The following CRIM1 variants were observed in gnomAD, a reference collection of about 807,000 sequenced individuals.
CRIM1 encodes cysteine-rich motor neuron 1 protein.
CRIM1 carries 32 observed loss-of-function variants against 116.4 expected under a neutral mutation model. The observed-to-expected ratio is 0.27, with a 90% CI of 0.21 to 0.37. The LOEUF (loss-of-function observed/expected upper bound fraction) is 0.37. CRIM1 is among the 10% of genes least tolerant of loss of function. The pLI is 1.00. For synonymous variants in CRIM1, 590 were observed against 509.2 expected, an observed-to-expected ratio of 1.16 and a Z score of -2.13; for missense variants, 1,331 against 1,354.8, an observed-to-expected ratio of 0.98 and a Z score of 0.28.
At chr2:36,541,643 A>G (rs1028491015) in intron 14 of CRIM1, among the ~76,000 whole-genome samples, 5 of 152,224 alleles carry the variant, frequency 3.3e-5, no homozygotes, top group Admixed American at 6.5e-5. Context: ...GATGCCTCTG[A>G]AAGTAAAATA....
intron 2 of CRIM1, among the ~76,000 whole-genome samples, chr2:36,435,344 G>A (rs757309604): frequency 2.0e-5 from 3 of 151,992 alleles, no homozygotes; most frequent in Non-Finnish European, 4.4e-5. Context: ...GTGTGTGTGT[G>A]TGTGTGAGTG....
intron 13 of CRIM1, among the ~76,000 whole-genome samples, chr2:36,526,180 A>C (rs190173112): frequency 1.5e-4 from 23 of 150,836 alleles, no homozygotes; most frequent in African/African-American, 5.2e-4. Context: ...CTGATTCCCT[A>C]ATTTTTTTTT....
chr2:36,521,104 A>C (rs1457746287), intron 12 of CRIM1, among the ~76,000 whole-genome samples: 1 of 152,192 alleles, frequency 6.6e-6, no homozygotes, highest in Non-Finnish European at 1.5e-5. Context: ...CCTTTCTGAT[A>C]TCTCAATCAT....
chr2:36,370,703 T>G (rs564788848), intron 1 of CRIM1, among the ~76,000 whole-genome samples: 2 of 152,218 alleles, frequency 1.3e-5, no homozygotes, highest in Non-Finnish European at 2.9e-5. Context: ...CTTGAGAGAA[T>G]GGAAAAGTAG....
chr2:36,499,448 C>A, intron 8 of CRIM1, 101 bp downstream of exon 8: 1 of 1,228,332 alleles, frequency 8.1e-7, no homozygotes, highest in Non-Finnish European at 1.1e-6. Context: ...TTCAGACATT[C>A]CCTTGACAAC....
chr2:36,398,097 G>T (rs1672158845), intron 2 of CRIM1, among the ~76,000 whole-genome samples: 1 of 152,130 alleles, frequency 6.6e-6, no homozygotes, highest in Non-Finnish European at 1.5e-5. Context: ...AACATTTAGG[G>T]ATATAGATGA....
chr2:36,428,307 G>A (rs1007493317), intron 2 of CRIM1, among the ~76,000 whole-genome samples: 1 of 152,166 alleles, frequency 6.6e-6, no homozygotes, highest in Admixed American at 6.5e-5. Context: ...TCATATCTAC[G>A]AATTTCTGAT....
At chr2:36,360,066 A>G (rs796533828) in intron 1 of CRIM1, among the ~76,000 whole-genome samples, 5 of 152,318 alleles carry the variant, frequency 3.3e-5, no homozygotes, top group African/African-American at 1.2e-4. Context: ...AAAATTAATG[A>G]AGTGAGATTT....
At chr2:36,469,405 A>G (rs1009913826) in intron 5 of CRIM1, among the ~76,000 whole-genome samples, 1 of 152,214 alleles carries the variant, frequency 6.6e-6, no homozygotes, top group Admixed American at 6.5e-5. Flanking sequence ...AAAATGCAGC[A>G]CTAACAGTGA....
At chr2:36,452,121 T>G (rs1676780324) in intron 4 of CRIM1, among the ~76,000 whole-genome samples, 1 of 152,126 alleles carries the variant, frequency 6.6e-6, no homozygotes, top group African/African-American at 2.4e-5. Context: ...TTTGGGTTTT[T>G]TTTTTTTAAG....
At chr2:36,458,885 C>G (rs1443136221) in intron 4 of CRIM1, among the ~76,000 whole-genome samples, 1 of 152,168 alleles carries the variant, frequency 6.6e-6, no homozygotes, top group Admixed American at 6.5e-5. Context: ...AAGTAGCTTG[C>G]TAGCAGTCAC....
At chr2:36,363,443 C>G (rs1010861871) in intron 1 of CRIM1, among the ~76,000 whole-genome samples, 2 of 151,122 alleles carry the variant, frequency 1.3e-5, no homozygotes, top group African/African-American at 2.4e-5. Context: ...TAATCCCCAT[C>G]TACCTCAGTC....
intron 10 of CRIM1, 67 bp downstream of exon 10, chr2:36,512,461 A>T: frequency 1.3e-6 from 2 of 1,525,340 alleles, no homozygotes. Context: ...GAACATAAGG[A>T]CACCCTGTAA....
intron 1 of CRIM1, among the ~76,000 whole-genome samples, chr2:36,372,721 C>A (rs891077571): frequency 1.3e-5 from 2 of 152,142 alleles, no homozygotes; most frequent in African/African-American, 2.4e-5. Context: ...TCATCTCATA[C>A]CTGATGGAAA....
intron 11 of CRIM1, among the ~76,000 whole-genome samples, chr2:36,515,799 A>T (rs1443314090): frequency 6.6e-6 from 1 of 152,240 alleles, no homozygotes; most frequent in African/African-American, 2.4e-5. Context: ...ACTTCCGTAC[A>T]TGTCAGCATT....
rs768279576 is a variant in CRIM1 at position 36,548,718 on chromosome 2, T to C, written c.*17T>C. Reference sequence around the variant, plus strand: ...ACAGTGTGAAGAAAGGCAACTAGGATGAGGTTTCAAAAGACGGAAGACGAC... The same window carrying C: ...ACAGTGTGAAGAAAGGCAACTAGGACGAGGTTTCAAAAGACGGAAGACGAC... On this transcript the variant is annotated 3_prime_UTR_variant, in exon 17 of 17. Coordinates refer to ENST00000280527, the MANE Select transcript of CRIM1 (RefSeq NM_016441.3). 9.0e-6 allele frequency: 14 copies of C among 1,562,802 alleles called. No homozygotes were observed. Among genetic ancestry groups the C allele is most frequent in the Non-Finnish European group, 1.2e-5 (14 of 1,160,484 alleles).
chr2:36,375,650 G>T (rs1251578739), intron 1 of CRIM1, among the ~76,000 whole-genome samples: 1 of 152,196 alleles, frequency 6.6e-6, no homozygotes, highest in Non-Finnish European at 1.5e-5. Context: ...AGAAAACCCT[G>T]AACCTGGCTG....
intron 2 of CRIM1, among the ~76,000 whole-genome samples, chr2:36,419,806 G>T (rs999746006): frequency 6.6e-6 from 1 of 152,168 alleles, no homozygotes; most frequent in Non-Finnish European, 1.5e-5. Context: ...GGCGATCTGC[G>T]CAGCACATCT....
At chr2:36,445,430 C>T (rs1314624795) in intron 4 of CRIM1, among the ~76,000 whole-genome samples, 2 of 152,182 alleles carry the variant, frequency 1.3e-5, no homozygotes, top group African/African-American at 2.4e-5. Flanking sequence ...TCCACGTGGT[C>T]TTCATGCTTC....
Sources: allele counts gnomAD v4.1 joint callset (sites outside exome capture counted in the v4.1 genomes callset), GRCh38; gene constraint gnomAD v4.1.1; transcripts MANE v1.5; gene names NCBI Gene and HGNC (gene_info 2026-07-23, HGNC 2026-07-21).